Variants in AGAP1 observed in about 807,000 individuals in gnomAD.
AGAP1 encodes arf-GAP with GTPase, ANK repeat and PH domain-containing protein 1.
A neutral mutation model predicts 105.3 loss-of-function variants in AGAP1; 29 were observed. The observed-to-expected ratio is 0.28, with a 90% confidence interval of 0.21 to 0.38. The LOEUF (loss-of-function observed/expected upper bound fraction) is 0.38. Among genes scored for constraint, AGAP1 ranks in the 10% least tolerant of loss-of-function variants. AGAP1 has a pLI of 1.00. For synonymous variants in AGAP1, 509 were observed against 485.9 expected, an observed-to-expected ratio of 1.05 and a Z score of -0.63; for missense variants, 998 against 1,165.1, an observed-to-expected ratio of 0.86 and a Z score of 2.09.
chr2:236,025,073 T>C (rs2057009778), intron 13 of AGAP1, among the ~76,000 whole-genome samples: 1 of 152,236 alleles, frequency 6.6e-6, no homozygotes, highest in African/African-American at 2.4e-5. Context: ...TCTGTGTGTG[T>C]ATCTGAAACT....
rs13386782 is a variant in AGAP1, at chr2:236,116,753, C to T, written c.2115-3439C>T. Among the ~76,000 whole-genome samples, 1,501 of 151,402 alleles carry T rather than the reference C, an allele frequency of 9.9e-3. 25 individuals are homozygous for T. The highest frequency in any genetic ancestry group is 0.035 in the African/African-American group (1,429 of 41,202). On this transcript the variant is annotated intron_variant, in intron 16 of 17. Coordinates refer to ENST00000304032, the MANE Select transcript of AGAP1 (RefSeq NM_001037131.3). Reference sequence around the variant, plus strand: ...AGTCTTTTATCCCTCGCCCCCCTCCCACTCTTCCCCCCAAGTCCCCAAAGT... The same window carrying T: ...AGTCTTTTATCCCTCGCCCCCCTCCTACTCTTCCCCCCAAGTCCCCAAAGT...
At chr2:235,928,246 A>G (rs2125138112) in intron 11 of AGAP1, among the ~76,000 whole-genome samples, 1 of 152,338 alleles carries the variant, frequency 6.6e-6, no homozygotes, top group South Asian at 2.1e-4. Flanking sequence ...GAACCAGGCC[A>G]GGGAAGCCCC....
chr2:235,522,053 G>T (rs530070612), intron 1 of AGAP1, among the ~76,000 whole-genome samples: 1 of 152,272 alleles, frequency 6.6e-6, no homozygotes, highest in Non-Finnish European at 1.5e-5. Flanking sequence ...ATGTAATCAG[G>T]ATGTGCAGTC....
rs1956695116 is a variant in AGAP1, at chr2:235,787,182, G to C, written c.674-10577G>C. On this transcript the variant is annotated intron_variant, in intron 6 of 17. Coordinates refer to ENST00000304032, the MANE Select transcript of AGAP1 (RefSeq NM_001037131.3). The surrounding 1 kb of genome is among the most constrained non-coding windows in gnomAD (Gnocchi z 4.4). ...TCCCCTCTCCTGTTGTAAGAGTTGAGCTAGCAGGGGCCGCCTCTACCCTTG... is the reference window on the plus strand; with the variant it reads ...TCCCCTCTCCTGTTGTAAGAGTTGACCTAGCAGGGGCCGCCTCTACCCTTG... 6.6e-6 allele frequency among the ~76,000 whole-genome samples: 1 copy of C among 152,190 alleles called. No individual in the cohort carries two copies.
At chr2:235,767,747 AT>A in intron 6 of AGAP1, among the ~76,000 whole-genome samples, 1 of 127,874 alleles carries the variant, frequency 7.8e-6, no homozygotes, top group Non-Finnish European at 1.7e-5. Flanking sequence ...TATACCATTT[AT>A]CTTGGTATAG....
At chr2:235,680,146 C>T (rs1325597921) in intron 1 of AGAP1, among the ~76,000 whole-genome samples, 1 of 152,194 alleles carries the variant, frequency 6.6e-6, no homozygotes, top group Non-Finnish European at 1.5e-5. Context: ...GAGCTGGCCC[C>T]CTGGCTGACC....
rs2049499413 is a variant in AGAP1, at chr2:235,872,603, T to G, written c.1051-10742T>G. Among the ~76,000 whole-genome samples the G allele has an allele frequency of 6.6e-6, 1 of 152,206 alleles. No homozygotes were observed. The highest frequency in any genetic ancestry group is 6.5e-5 in the Admixed American group (1 of 15,282). ...TCACGGCTTCATGTCCTCTAAAAGT[T>G]TCAAATGAACTATTTTTAGGGTTTT... On this transcript the variant is annotated intron_variant, in intron 9 of 17. Coordinates refer to ENST00000304032, the MANE Select transcript of AGAP1 (RefSeq NM_001037131.3). The surrounding 1 kb of genome is among the most constrained non-coding windows in gnomAD (Gnocchi z 4.5).
chr2:235,676,486 G>A (rs1948743002), intron 1 of AGAP1, among the ~76,000 whole-genome samples: 1 of 152,144 alleles, frequency 6.6e-6, no homozygotes, highest in Non-Finnish European at 1.5e-5. Context: ...CTCACAGAGG[G>A]GCAAATGAGC....
intron 16 of AGAP1, 96 bp downstream of exon 16, chr2:236,049,377 GATA>G: frequency 8.7e-7 from 1 of 1,150,016 alleles, no homozygotes; most frequent in Non-Finnish European, 1.2e-6. Context: ...GGAAGGCCCT[GATA>G]ACCTGTAGGA....
At chr2:235,772,946 T>A (rs1955574003) in intron 6 of AGAP1, among the ~76,000 whole-genome samples, 1 of 147,962 alleles carries the variant, frequency 6.8e-6, no homozygotes, top group Non-Finnish European at 1.5e-5. Context: ...AGCACCAAGC[T>A]GTCTGTAGCC....
rs945423441 is a variant in AGAP1 at position 235,961,904 on chromosome 2, T to C, written c.1484-6558T>C. ...AAAAAGTGAGATGACAGCTCATGTT[T>C]AGTGCCGGGTGCTGGGTGAGCGAGG... On this transcript the variant is annotated intron_variant, in intron 12 of 17. Transcript: ENST00000304032. The surrounding 1 kb of genome is among the most constrained non-coding windows in gnomAD (Gnocchi z 5.9). Among the ~76,000 whole-genome samples the C allele has an allele frequency of 1.3e-5, 2 of 152,150 alleles. No individual in the cohort carries two copies. Among genetic ancestry groups the C allele is most frequent in the African/African-American group, 4.8e-5 (2 of 41,450 alleles).
At chr2:235,758,130 GTGTGTGCA>G (rs1186577613) in intron 6 of AGAP1, among the ~76,000 whole-genome samples, 1 of 151,026 alleles carries the variant, frequency 6.6e-6, no homozygotes, top group Non-Finnish European at 1.5e-5. Flanking sequence ...GAACTAGTGT[GTGTGTGCA>G]TGCGTGCATG....
In AGAP1 at chr2:236,078,536, C is replaced by G. The variant is rs559091462; in HGVS notation, c.2114+29255C>G. Among the ~76,000 whole-genome samples, 1 of 152,196 alleles carries G rather than the reference C, an allele frequency of 6.6e-6. No individual in the cohort carries two copies. The highest frequency in any genetic ancestry group is 1.5e-5 in the Non-Finnish European group (1 of 68,034). The stretch of plus-strand genomic sequence containing the variant: ...GAATTCCTTCCCAGCAAAAGCCGCA[C>G]GCTGCTTCTCCCAGAGGGGTGGGGT... On this transcript the variant is annotated intron_variant, in intron 16 of 17. Transcript: ENST00000304032. This position sits in a 1 kb window ranked among gnomAD's most constrained non-coding sequence, Gnocchi z 5.3.
At position 235,660,077 on chromosome 2, in the gene AGAP1, G is replaced by A. The variant is rs1947897586; in HGVS notation, c.164-49102G>A. Among the ~76,000 whole-genome samples the A allele has an allele frequency of 6.6e-6, 1 of 152,182 alleles. No homozygotes were observed. Among genetic ancestry groups the A allele is most frequent in the South Asian group, 2.1e-4 (1 of 4,822 alleles). ...TTCCCAGGCAGTCACACTCTGGGAT[G>A]CCCCCACCCCTCAGCACACACAGTG... On this transcript the variant is annotated intron_variant, in intron 1 of 17. Coordinates refer to ENST00000304032, the MANE Select transcript of AGAP1 (RefSeq NM_001037131.3). The surrounding 1 kb of genome is among the most constrained non-coding windows in gnomAD (Gnocchi z 5.3).
chr2:235,509,384 A>G (rs973532182), intron 1 of AGAP1, among the ~76,000 whole-genome samples: 1 of 152,028 alleles, frequency 6.6e-6, no homozygotes, highest in Non-Finnish European at 1.5e-5. Context: ...ACAGACATCC[A>G]CAACCACGCC....
At position 235,777,394 on chromosome 2, in the gene AGAP1, G is replaced by A. The variant is rs1955959812; in HGVS notation, c.674-20365G>A. Among the ~76,000 whole-genome samples the A allele has an allele frequency of 6.6e-6, 1 of 152,210 alleles. No homozygotes were observed. Among genetic ancestry groups the A allele is most frequent in the African/African-American group, 2.4e-5 (1 of 41,460 alleles). ...ATTTCCTGAGCTGCTCCGAGCTGGA[G>A]ACAGAACCAGCAGACATGGGACAGA... On this transcript the variant is annotated intron_variant, in intron 6 of 17. Transcript: ENST00000304032. The surrounding 1 kb of genome is among the most constrained non-coding windows in gnomAD (Gnocchi z 5.1).
At chr2:235,834,043 A>G (rs1009917952) in intron 9 of AGAP1, among the ~76,000 whole-genome samples, 3 of 151,496 alleles carry the variant, frequency 2.0e-5, no homozygotes, top group Non-Finnish European at 4.4e-5. Flanking sequence ...AGCCCCCTCC[A>G]TGTAGGCCAG....
rs929408126 is a variant in AGAP1, at chr2:236,128,977, T to A, written c.*4855T>A. The A allele has an allele frequency of 1.3e-5, 2 of 152,230 alleles. No homozygotes were observed. Among genetic ancestry groups the A allele is most frequent in the African/African-American group, 2.4e-5 (1 of 41,470 alleles). 9.4% of individuals were successfully genotyped at this position (152,230 alleles called of 1,614,324 possible). A position where few individuals can be genotyped will look rare whatever the true frequency, so the allele number is the denominator to read the frequency against. ...AGTTCAGATAGAAAAGTGCTGGAGA[T>A]ACACATCTTTCCTTCAAAGGAAATG... On this transcript the variant is annotated 3_prime_UTR_variant, in exon 18 of 18. Coordinates refer to ENST00000304032, the MANE Select transcript of AGAP1 (RefSeq NM_001037131.3). This position sits in a 1 kb window ranked among gnomAD's most constrained non-coding sequence, Gnocchi z 5.9.
intron 13 of AGAP1, among the ~76,000 whole-genome samples, chr2:236,023,708 C>T (rs866544222): frequency 3.9e-5 from 6 of 152,078 alleles, no homozygotes; most frequent in South Asian, 2.1e-4. Flanking sequence ...CAAACATGCC[C>T]GTCCCCCAGG....
Sources: allele counts gnomAD v4.1 joint callset (sites outside exome capture counted in the v4.1 genomes callset), GRCh38; gene constraint gnomAD v4.1.1; non-coding constraint Gnocchi (gnomAD v3.1); transcripts MANE v1.5; gene names NCBI Gene and HGNC (gene_info 2026-07-23, HGNC 2026-07-21).